PCDH15: variants seen among roughly 807,000 people sequenced by gnomAD.
The protein encoded by PCDH15 is protocadherin-15.
In PCDH15, 129 loss-of-function variants were observed where a neutral mutation model predicts 178.5. That is an observed-to-expected ratio of 0.72 (90% CI 0.63 to 0.84). The LOEUF (loss-of-function observed/expected upper bound fraction) is 0.84. PCDH15 is among the 40% of genes least tolerant of loss of function. PCDH15 has a pLI of 0.00. For missense variants in PCDH15, 2,230 were observed against 2,099.9 expected (o/e 1.06, Z -1.21); for synonymous variants, 800 against 732.0 (o/e 1.09, Z -1.50).
In PCDH15 at chr10:55,402,327, A is replaced by T. The variant is rs150653028; in HGVS notation, c.-156+225298T>A. Among the ~76,000 whole-genome samples, 1,007 of 152,166 alleles carry T rather than the reference A, an allele frequency of 6.6e-3. 10 individuals are homozygous for T. The highest frequency in any genetic ancestry group is 0.023 in the African/African-American group (969 of 41,556). On this transcript the variant is annotated intron_variant, in intron 2 of 5. Transcript: ENST00000613346. ...GTAATGATCAAGTCAGAGTATTTAC[A>T]ATATTCATCACTTCAAACATTTATC... is the stretch of plus-strand genomic sequence containing the variant.
chr10:55,047,631 A>C (rs1591857769), intron 2 of PCDH15, among the ~76,000 whole-genome samples: 2 of 151,816 alleles, frequency 1.3e-5, no homozygotes, highest in East Asian at 3.9e-4. Context: ...AGGGTACTTT[A>C]AGAGGTTTGA....
chr10:54,684,692 C>A (rs1175088746), intron 1 of PCDH15, among the ~76,000 whole-genome samples: 1 of 152,016 alleles, frequency 6.6e-6, no homozygotes, highest in East Asian at 1.9e-4. Context: ...TAATTTAGAT[C>A]AATACCATGT....
At chr10:55,366,851 T>A (rs1463468227) in intron 2 of PCDH15, among the ~76,000 whole-genome samples, 1 of 152,082 alleles carries the variant, frequency 6.6e-6, no homozygotes, top group Non-Finnish European at 1.5e-5. Flanking sequence ...CTAAAATGTA[T>A]CTATTTTCTC....
In PCDH15 at chr10:53,811,688, T is replaced by G. The variant is rs114574586; in HGVS notation, c.4492-69A>C. Reference sequence around the variant, plus strand: ...TCACGTTTCAGGTCAAAGTCAGATTTCTACACCTAGAATTCCATGATTCTC... The same window carrying G: ...TCACGTTTCAGGTCAAAGTCAGATTGCTACACCTAGAATTCCATGATTCTC... On this transcript the variant is annotated intron_variant, in intron 35 of 37. Coordinates refer to ENST00000644397, the MANE Select transcript of PCDH15 (RefSeq NM_001384140.1). The G allele has an allele frequency of 2.3e-4, 207 of 910,352 alleles. No homozygotes were observed. The African/African-American group carries it at 3.3e-3, about 15-fold the overall frequency. The allele number at this position is 910,352 out of a possible 1,614,324, so 56.4% of individuals were successfully genotyped here. A position where few individuals can be genotyped will look rare whatever the true frequency, so the allele number is the denominator to read the frequency against.
chr10:54,942,296 T>C (rs1838083131), intron 2 of PCDH15, among the ~76,000 whole-genome samples: 1 of 152,090 alleles, frequency 6.6e-6, no homozygotes, highest in South Asian at 2.1e-4. Flanking sequence ...GAGATGTGGG[T>C]TGTGGTGCCA....
At chr10:54,327,699 ATT>A (rs1938461755) in intron 7 of PCDH15, among the ~76,000 whole-genome samples, 2 of 151,854 alleles carry the variant, frequency 1.3e-5, no homozygotes, top group South Asian at 4.1e-4. Context: ...AGAACAGCTA[ATT>A]GAGGTTATTT....
intron 1 of PCDH15, among the ~76,000 whole-genome samples, chr10:55,214,414 T>C (rs1436617421): frequency 2.0e-5 from 3 of 152,016 alleles, no homozygotes; most frequent in Non-Finnish European, 2.9e-5. Context: ...TTTTTCTTTA[T>C]GTATATGGAA....
intron 11 of PCDH15, among the ~76,000 whole-genome samples, chr10:54,190,840 G>A (rs952137111): frequency 1.4e-4 from 21 of 152,134 alleles, no homozygotes; most frequent in Middle Eastern, 3.4e-3. Flanking sequence ...AATGGTGCTC[G>A]GTCTATAAAA....
Position 54,913,881 on chromosome 10 carries a change from A to G in PCDH15, c.-79-16381T>C, listed in dbSNP as rs115851704. On this transcript the variant is annotated intron_variant, in intron 2 of 5. Transcript: ENST00000458638. ...GCCTGTAGCCCCTTTGTTTTAGCCA[A>G]TTTCTCACTTTTGAAATGGGAACAT... is the stretch of plus-strand genomic sequence containing the variant. 8.6e-3 allele frequency among the ~76,000 whole-genome samples: 1,311 copies of G among 152,250 alleles called. 23 individuals carry two copies. Among genetic ancestry groups the G allele is most frequent in the African/African-American group, 0.029 (1,203 of 41,564 alleles).
chr10:54,625,896 C>T (rs190061805), intron 2 of PCDH15, among the ~76,000 whole-genome samples: 1 of 152,230 alleles, frequency 6.6e-6, no homozygotes, highest in African/African-American at 2.4e-5. Flanking sequence ...TCCCTAGAGA[C>T]TTGTTGAATA....
chr10:53,806,618 G>T lies in PCDH15; in HGVS notation c.5184C>A (p.Gly1728=). The change falls in exon 38 of 38, where the codon GGC becomes GGA. Residue 1728 remains glycine, a synonymous_variant. Coordinates refer to ENST00000644397, the MANE Select transcript of PCDH15 (RefSeq NM_001384140.1). ...TTGGTATATGGAGGTTGTTCCAGGG[G>T]CCCATCCAAAGCTCTTCATCATCAG... ...TQSDDEELWM[G]PWNNLHIPMT... is the part of the protein sequence containing the mutation. 6.2e-7 allele frequency: 1 copy of T among 1,613,582 alleles called. No homozygotes were observed. The highest frequency in any genetic ancestry group is 8.5e-7 in the Non-Finnish European group (1 of 1,179,702).
intron 14 of PCDH15, among the ~76,000 whole-genome samples, chr10:54,146,589 C>CA (rs1461372090): frequency 4.0e-5 from 6 of 151,078 alleles, no homozygotes; most frequent in East Asian, 1.9e-4. Context: ...ATCAAAGTCT[C>CA]AAAAAAAAGT....
intron 17 of PCDH15, among the ~76,000 whole-genome samples, chr10:54,073,909 AC>A (rs1476253851): frequency 6.6e-6 from 1 of 152,144 alleles, no homozygotes; most frequent in African/African-American, 2.4e-5. Context: ...CTATTTTTCT[AC>A]CCACTGTTGC....
At chr10:54,870,882 T>C (rs1264974982) in intron 3 of PCDH15, among the ~76,000 whole-genome samples, 2 of 152,140 alleles carry the variant, frequency 1.3e-5, no homozygotes, top group Admixed American at 6.6e-5. Flanking sequence ...TCAACTAGGA[T>C]GTAAGGACAA....
At chr10:55,599,063 A>C (rs1326892582) in intron 2 of PCDH15, among the ~76,000 whole-genome samples, 3 of 152,202 alleles carry the variant, frequency 2.0e-5, no homozygotes, top group Non-Finnish European at 2.9e-5. Context: ...TAGTACCGTA[A>C]GGGAACAATG....
intron 1 of PCDH15, among the ~76,000 whole-genome samples, chr10:54,707,948 G>T (rs1245670665): frequency 1.3e-5 from 2 of 152,172 alleles, no homozygotes; most frequent in African/African-American, 4.8e-5. Context: ...TTTTGGGATG[G>T]CATAATTTCT....
chr10:55,473,583 C>T (rs528960137), intron 2 of PCDH15, among the ~76,000 whole-genome samples: 99 of 152,142 alleles, frequency 6.5e-4, no homozygotes, highest in Non-Finnish European at 1.2e-3. Flanking sequence ...AAACAAGTTG[C>T]GACAGTATTC....
At chr10:54,026,644 A>T (rs191607656) in intron 18 of PCDH15, among the ~76,000 whole-genome samples, 60 of 152,314 alleles carry the variant, frequency 3.9e-4, no homozygotes, top group African/African-American at 1.4e-3. Context: ...GCTGGATTAC[A>T]TTTACTGATT....
At chr10:54,132,511 T>C (rs72797045) in intron 15 of PCDH15, among the ~76,000 whole-genome samples, 4,494 of 152,164 alleles carry the variant, frequency 0.03, 85 homozygotes, top group Middle Eastern at 0.082. Context: ...CAAAAATAAA[T>C]CCAGCTGGAC....
Sources: gnomAD v4.1 joint callset for allele counts (sites outside exome capture counted in the v4.1 genomes callset) on GRCh38, gnomAD v4.1.1 for gene constraint, MANE v1.5 for transcripts, NCBI Gene and HGNC (gene_info 2026-07-23, HGNC 2026-07-21) for gene names.